The following ZNF793 variants were observed in gnomAD, a reference collection of about 807,000 sequenced individuals.
ZNF793 encodes zinc finger protein 793.
Under a neutral mutation model 12.4 loss-of-function variants are expected in ZNF793, and 5 were observed. The ratio of observed to expected loss-of-function variants is 0.40; its 90% CI spans 0.21 to 0.84. The LOEUF (loss-of-function observed/expected upper bound fraction) is 0.84, where lower values mean the gene tolerates loss of function less well. ZNF793 is among the 40% of genes least tolerant of loss of function. The probability of loss-of-function intolerance (pLI) is 0.35; values close to 1 mark genes in which losing one functional copy is unlikely to be tolerated. For missense variants in ZNF793, 456 were observed against 495.0 expected (o/e 0.92, Z 0.75); for synonymous variants, 162 against 172.4 (o/e 0.94, Z 0.47).
rs576897759 is a variant in ZNF793 at position 37,541,094 on chromosome 19, C to T, written c.*3215C>T. ...CATCATTAGAACACAGTAGAAAATT[C>T]AGAAATAGACTTCGATATATATGAA... On this transcript the variant is annotated 3_prime_UTR_variant, in exon 8 of 8. Transcript: ENST00000627814. 6 of 151,922 alleles carry T rather than the reference C, an allele frequency of 3.9e-5. No homozygotes were observed. In the South Asian group the frequency reaches 1.2e-3, roughly 31 times the overall value. 9.4% of individuals were successfully genotyped at this position (151,922 alleles called of 1,614,324 possible). A position where few individuals can be genotyped will look rare whatever the true frequency, so the allele number is the denominator to read the frequency against.
intron 5 of ZNF793, among the ~76,000 whole-genome samples, chr19:37,525,305 A>AT (rs2042405860): frequency 6.6e-6 from 1 of 150,754 alleles, no homozygotes; most frequent in Non-Finnish European, 1.5e-5. Context: ...TGCCCGGCTA[A>AT]TTTTTTGTAG....
At chr19:37,530,198 TC>T (rs1486771599) in intron 5 of ZNF793, among the ~76,000 whole-genome samples, 2 of 152,108 alleles carry the variant, frequency 1.3e-5, no homozygotes, top group African/African-American at 2.4e-5. Context: ...TAAGGCGGTT[TC>T]CCCCTATCTC....
rs998024962 is a variant in ZNF793, at chr19:37,542,467, G to A, written c.*4588G>A. 65 of 416,012 alleles carry A rather than the reference G, an allele frequency of 1.6e-4. No homozygotes were observed. The Admixed American group carries it at 1.6e-3, about 10-fold the overall frequency. The allele number at this position is 416,012 out of a possible 1,614,324, so 25.8% of individuals were successfully genotyped here. A position where few individuals can be genotyped will look rare whatever the true frequency, so the allele number is the denominator to read the frequency against. On this transcript the variant is annotated 3_prime_UTR_variant, in exon 8 of 8. Transcript: ENST00000627814. ...CACTTTGGAGAATCTTCCCTTAGAA[G>A]TAAAAGCTCCAATACATAAAAGACA...
intron 5 of ZNF793, among the ~76,000 whole-genome samples, chr19:37,523,796 C>T (rs778965761): frequency 2.0e-5 from 3 of 152,088 alleles, no homozygotes; most frequent in South Asian, 2.1e-4. Flanking sequence ...TAGGCTGCCC[C>T]GAGGAGGGTA....
chr19:37,525,095 G>A (rs2042403272), intron 5 of ZNF793, among the ~76,000 whole-genome samples: 1 of 151,920 alleles, frequency 6.6e-6, no homozygotes, highest in African/African-American at 2.4e-5. Flanking sequence ...CTGCATGTCA[G>A]TGAGAAGAAA....
intron 5 of ZNF793, 136 bp from the exon 6 acceptor site, chr19:37,532,220 G>C: frequency 1.1e-6 from 1 of 908,864 alleles, no homozygotes; most frequent in Non-Finnish European, 1.7e-6. Context: ...CACCATGTTT[G>C]CCAGGCTGAT....
chr19:37,518,044 G>A (rs1163140834), intron 2 of ZNF793, among the ~76,000 whole-genome samples: 1 of 152,048 alleles, frequency 6.6e-6, no homozygotes, highest in Non-Finnish European at 1.5e-5. Flanking sequence ...GCTTCACATT[G>A]TATGTTATGA....
chr19:37,537,441 G>A lies in ZNF793; in HGVS notation c.783G>A (p.Gly261=). 1 of 1,613,614 alleles carries A rather than the reference G, an allele frequency of 6.2e-7. No individual in the cohort carries two copies. The highest frequency in any genetic ancestry group is 1.1e-5 in the South Asian group (1 of 91,040). ...GEKPYGCTDC[G]KAFSHKSTLI... is the part of the protein sequence containing the mutation. The stretch of plus-strand genomic sequence containing the variant: ...AGCCTTATGGCTGCACTGACTGTGG[G>A]AAAGCCTTTTCACATAAGTCAACCC... Residue 261 remains glycine (G), a synonymous_variant, in exon 8 of 8, where the codon GGG becomes GGA. Coordinates refer to ENST00000627814, the MANE Select transcript of ZNF793 (RefSeq NM_001013659.3).
At chr19:37,527,747 A>G (rs958361782) in intron 5 of ZNF793, among the ~76,000 whole-genome samples, 2 of 152,290 alleles carry the variant, frequency 1.3e-5, no homozygotes, top group Middle Eastern at 3.4e-3. Context: ...TGGGTTTTCT[A>G]ATTTACTAGA....
At chr19:37,521,305 T>A (rs2042373484) in intron 3 of ZNF793, among the ~76,000 whole-genome samples, 1 of 151,320 alleles carries the variant, frequency 6.6e-6, no homozygotes, top group South Asian at 2.1e-4. Context: ...GTATTTTTAG[T>A]AGAGATGGAG....
rs556089647 is a variant in ZNF793, at chr19:37,524,065, G to T, written c.15+611G>T. 9.2e-5 allele frequency among the ~76,000 whole-genome samples: 14 copies of T among 151,702 alleles called. No individual in the cohort carries two copies. The East Asian group carries it at 2.3e-3, about 25-fold the overall frequency. On this transcript the variant is annotated intron_variant, in intron 5 of 7. Transcript: ENST00000627814. The stretch of plus-strand genomic sequence containing the variant: ...CTCGGGAGGCTGAGGCAGGAGAATT[G>T]CTTGAACCTGGGAGGTGGAGGTTGC...
chr19:37,524,763 A>G (rs1182951535), intron 5 of ZNF793, among the ~76,000 whole-genome samples: 1 of 152,216 alleles, frequency 6.6e-6, no homozygotes, highest in Non-Finnish European at 1.5e-5. Flanking sequence ...GGCCTGCTTC[A>G]TGGGGTGATT....
intron 2 of ZNF793, among the ~76,000 whole-genome samples, chr19:37,518,831 A>G (rs548136360): frequency 8.7e-4 from 131 of 150,134 alleles, no homozygotes; most frequent in African/African-American, 2.9e-3. Flanking sequence ...GGACATTTTG[A>G]TTGCTTCCAG....
At chr19:37,519,041 C>G (rs560702993) in intron 2 of ZNF793, among the ~76,000 whole-genome samples, 7 of 151,966 alleles carry the variant, frequency 4.6e-5, no homozygotes, top group African/African-American at 1.7e-4. Context: ...CCGAGGTGGG[C>G]GGATCACGAG....
In ZNF793 at chr19:37,536,938, G is replaced by A. The variant is rs1600423668; in HGVS notation, c.280G>A (p.Asp94Asn). 2.5e-6 allele frequency: 4 copies of A among 1,613,146 alleles called. No individual in the cohort carries two copies. The East Asian group carries it at 8.9e-5, about 36-fold the overall frequency. Residue 94 changes from aspartate to asparagine, a missense_variant, in exon 8 of 8, where the codon GAC becomes AAC. By Grantham distance (23) the Asp-to-Asn change is conservative. Coordinates refer to ENST00000627814, the MANE Select transcript of ZNF793 (RefSeq NM_001013659.3). The part of the protein sequence containing the change: ...RVNIQRKRRQ[D>N]MLLRPGAAIS... ...TAATATCCAGAGGAAAAGACGGCAA[G>A]ACATGCTTTTGAGGCCAGGCGCAGC...
At chr19:37,509,955 G>T (rs75355140) in intron 2 of ZNF793, among the ~76,000 whole-genome samples, 37 of 152,190 alleles carry the variant, frequency 2.4e-4, no homozygotes, top group Non-Finnish European at 4.4e-4. Context: ...TATTCATTGG[G>T]GGGGAGGAGC....
intron 5 of ZNF793, among the ~76,000 whole-genome samples, chr19:37,530,074 T>C (rs1321434422): frequency 6.6e-6 from 1 of 152,054 alleles, no homozygotes; most frequent in Non-Finnish European, 1.5e-5. Context: ...AACAAAGGTC[T>C]CTGCATCATA....
intron 5 of ZNF793, 93 bp downstream of exon 5, chr19:37,523,547 A>T: frequency 7.9e-7 from 1 of 1,260,190 alleles, no homozygotes; most frequent in Admixed American, 1.8e-5. Flanking sequence ...TACAGTTTGT[A>T]CATACAGGCT....
At chr19:37,508,783 A>T (rs995256693) in intron 2 of ZNF793, among the ~76,000 whole-genome samples, 7 of 152,218 alleles carry the variant, frequency 4.6e-5, no homozygotes, top group African/African-American at 1.7e-4. Flanking sequence ...GAGCAAACAG[A>T]GTGTTTAGAA....
Sources: allele counts gnomAD v4.1 joint callset (sites outside exome capture counted in the v4.1 genomes callset), GRCh38; gene constraint gnomAD v4.1.1; transcripts MANE v1.5; gene names NCBI Gene and HGNC (gene_info 2026-07-23, HGNC 2026-07-21).